The following TTC6 variants were observed in gnomAD, a reference collection of about 807,000 sequenced individuals.
TTC6 encodes the protein tetratricopeptide repeat domain 6, also known as tetratricopeptide repeat protein 6.
Under a neutral mutation model 210.4 loss-of-function variants are expected in TTC6, and 172 were observed. That is an observed-to-expected ratio of 0.82 (90% CI 0.72 to 0.93). The LOEUF (loss-of-function observed/expected upper bound fraction) is 0.93, where lower values mean the gene tolerates loss of function less well. Among genes scored for constraint, TTC6 ranks in the 40% least tolerant of loss-of-function variants. The probability of loss-of-function intolerance (pLI) is 0.00; values close to 1 mark genes in which losing one functional copy is unlikely to be tolerated. For synonymous variants in TTC6, 804 were observed against 819.6 expected, an observed-to-expected ratio of 0.98 and a Z score of 0.32; for missense variants, 2,414 against 2,318.1, an observed-to-expected ratio of 1.04 and a Z score of -0.85.
At chr14:37,618,401 G>A (rs1056757126), upstream of TTC6, among the ~76,000 whole-genome samples, 5 of 152,218 alleles carry the variant, frequency 3.3e-5, no homozygotes, top group African/African-American at 7.2e-5. Flanking sequence ...ATTCTGTCCC[G>A]TTTTAAAGTG....
chr14:37,680,217 CAAGCAGAGTATA>C, exon 2 of TTC6: 1 of 1,534,092 alleles, frequency 6.5e-7, no homozygotes, highest in Admixed American at 2.0e-5. Flanking sequence ...ACCTGAGATA[CAAGCAGAGTATA>C]AATTCCAGAT....
chr14:37,837,746 ACT>A (rs1566983659), intron 29 of TTC6, among the ~76,000 whole-genome samples: 1 of 152,140 alleles, frequency 6.6e-6, no homozygotes, highest in Admixed American at 6.5e-5. Flanking sequence ...AGTTTTAGTA[ACT>A]CACCCAAAGA....
chr14:37,828,574 A>G (rs141093705), intron 29 of TTC6, among the ~76,000 whole-genome samples: 1 of 152,170 alleles, frequency 6.6e-6, no homozygotes, highest in African/African-American at 2.4e-5. Flanking sequence ...TGGTTTTATT[A>G]ATGTTTTCCC....
At chr14:37,678,881 T>C (rs1369499547) in intron 1 of TTC6, among the ~76,000 whole-genome samples, 1 of 152,146 alleles carries the variant, frequency 6.6e-6, no homozygotes, top group African/African-American at 2.4e-5. Flanking sequence ...AGTTTGAATC[T>C]TGCTGTTGAC....
At chr14:37,767,593 G>C (rs2096003372) in intron 14 of TTC6, among the ~76,000 whole-genome samples, 1 of 152,176 alleles carries the variant, frequency 6.6e-6, no homozygotes. Flanking sequence ...CTACATAAAT[G>C]TCTTCTTTTG....
At chr14:37,622,551 G>C (rs2095653192) in exon 1 of TTC6, 2 of 1,534,958 alleles carry the variant, frequency 1.3e-6, no homozygotes, top group Non-Finnish European at 1.7e-6. Context: ...GAAGCGCAGA[G>C]CGCGCGGGGT....
chr14:37,806,607 G>A, intron 22 of TTC6, 97 bp downstream of exon 24: 1 of 1,178,814 alleles, frequency 8.5e-7, no homozygotes, highest in African/African-American at 1.5e-5. Flanking sequence ...CCAACAATCA[G>A]TTTCTTATAC....
chr14:37,795,353 G>T lies in TTC6; in HGVS notation c.3791+1G>T. Reference sequence around the variant, plus strand: ...ATGGAATCCAATTATACATAAGAAGGTATGAGCATAGAAACTGAATTCTTC... The same window carrying T: ...ATGGAATCCAATTATACATAAGAAGTTATGAGCATAGAAACTGAATTCTTC... On this transcript the variant is annotated splice_donor_variant, in intron 18 of 30. Transcript: ENST00000553443. LOFTEE classifies it high-confidence loss of function. The T allele has an allele frequency of 6.6e-7, 1 of 1,512,168 alleles. No homozygotes were observed. The highest frequency in any genetic ancestry group is 8.8e-7 in the Non-Finnish European group (1 of 1,132,406). The allele number at this position is 1,512,168 out of a possible 1,614,324, so 93.7% of individuals were successfully genotyped here.
chr14:37,841,190 C>T (rs951543188), intron 29 of TTC6, among the ~76,000 whole-genome samples: 1 of 152,084 alleles, frequency 6.6e-6, no homozygotes, highest in African/African-American at 2.4e-5. Context: ...TTTAACCCAG[C>T]CAACAGGAGT....
chr14:37,668,905 T>C (rs1195422451), intron 1 of TTC6, among the ~76,000 whole-genome samples: 1 of 152,204 alleles, frequency 6.6e-6, no homozygotes, highest in African/African-American at 2.4e-5. Context: ...AAGACTGTCG[T>C]GATGTCTCTT....
At chr14:37,713,536 C>G (rs546605545) in intron 5 of TTC6, among the ~76,000 whole-genome samples, 74 of 152,304 alleles carry the variant, frequency 4.9e-4, no homozygotes, top group African/African-American at 1.5e-3. Flanking sequence ...CCATGCCTGG[C>G]CAAGAGAGTT....
chr14:37,696,748 G>A, exon 4 of TTC6: 1 of 1,468,434 alleles, frequency 6.8e-7, no homozygotes, highest in Non-Finnish European at 9.0e-7. Flanking sequence ...CAAATCGAAG[G>A]AAAAGAAATT....
intron 7 of TTC6, among the ~76,000 whole-genome samples, chr14:37,730,839 C>T (rs1480819438): frequency 6.6e-6 from 1 of 152,276 alleles, no homozygotes; most frequent in South Asian, 2.1e-4. Context: ...ACTTCTTGGT[C>T]TTGTTTAAAA....
intron 2 of TTC6, among the ~76,000 whole-genome samples, chr14:37,610,799 A>G (rs545724608): frequency 6.6e-6 from 1 of 152,276 alleles, no homozygotes; most frequent in South Asian, 2.1e-4. Context: ...TAAGCACCAC[A>G]GTTTTTGAAC....
At chr14:37,621,604 C>G (rs2095651191), upstream of TTC6, among the ~76,000 whole-genome samples, 1 of 152,098 alleles carries the variant, frequency 6.6e-6, no homozygotes, top group Admixed American at 6.6e-5. Context: ...AGAGCGAGAT[C>G]TTGTCTCAAA....
intron 1 of TTC6, among the ~76,000 whole-genome samples, chr14:37,638,118 G>A (rs1216535505): frequency 6.6e-6 from 1 of 152,076 alleles, no homozygotes; most frequent in Non-Finnish European, 1.5e-5. Flanking sequence ...ATATAACTTA[G>A]GAAGAAAAGG....
At chr14:37,626,590 A>G (rs927075596) in intron 1 of TTC6, among the ~76,000 whole-genome samples, 1 of 152,200 alleles carries the variant, frequency 6.6e-6, no homozygotes, top group African/African-American at 2.4e-5. Context: ...AAGACCCCAA[A>G]ACGTGAATAG....
At chr14:37,599,757 C>G (rs891174390) in intron 1 of TTC6, among the ~76,000 whole-genome samples, 10 of 152,290 alleles carry the variant, frequency 6.6e-5, no homozygotes, top group Non-Finnish European at 1.5e-4. Context: ...GCTGGGCAGT[C>G]GACAGCGTTG....
At chr14:37,742,550 C>G (rs924879099) in intron 10 of TTC6, among the ~76,000 whole-genome samples, 4 of 151,356 alleles carry the variant, frequency 2.6e-5, no homozygotes, top group African/African-American at 7.3e-5. Context: ...GCTGGGCCTA[C>G]AGGTGGGTGC....
Sources: allele counts gnomAD v4.1 joint callset (sites outside exome capture counted in the v4.1 genomes callset), GRCh38; gene constraint gnomAD v4.1.1; transcripts MANE v1.5; gene names NCBI Gene and HGNC (gene_info 2026-07-23, HGNC 2026-07-21).